Variants in ASTN1 observed in about 807,000 individuals in gnomAD.
The protein encoded by ASTN1 is astrotactin-1.
Under a neutral mutation model 140.7 loss-of-function variants are expected in ASTN1, and 41 were observed. The ratio of observed to expected loss-of-function variants is 0.29; its 90% confidence interval spans 0.23 to 0.38. The LOEUF (loss-of-function observed/expected upper bound fraction) is 0.38, where lower values mean the gene tolerates loss of function less well. ASTN1 is among the 10% of genes least tolerant of loss of function. The pLI, the probability that ASTN1 is intolerant of heterozygous loss-of-function variation, is 1.00. For missense variants in ASTN1, 1,479 were observed against 1,678.8 expected (o/e 0.88, Z 2.08); for synonymous variants, 640 against 652.2 (o/e 0.98, Z 0.29).
intron 1 of ASTN1, among the ~76,000 whole-genome samples, chr1:177,145,349 A>T (rs1206838239): frequency 6.6e-6 from 1 of 152,194 alleles, no homozygotes; most frequent in African/African-American, 2.4e-5. Context: ...ACCTTTAAGT[A>T]ACCATAACAA....
chr1:177,115,890 T>G (rs1320791299), intron 1 of ASTN1, among the ~76,000 whole-genome samples: 2 of 152,296 alleles, frequency 1.3e-5, no homozygotes, highest in South Asian at 4.1e-4. Context: ...TTATAAAAAT[T>G]GTATCATACT....
chr1:176,900,165 A>T (rs1033324400), intron 16 of ASTN1, among the ~76,000 whole-genome samples: 2 of 152,234 alleles, frequency 1.3e-5, no homozygotes, highest in Non-Finnish European at 2.9e-5. Context: ...TTACTAACAC[A>T]TCAAACAGTA....
At chr1:177,048,347 C>T (rs1048932400) in intron 2 of ASTN1, among the ~76,000 whole-genome samples, 1 of 152,158 alleles carries the variant, frequency 6.6e-6, no homozygotes, top group African/African-American at 2.4e-5. Context: ...TGGGAGATGC[C>T]CTGCAGGTCC....
chr1:176,967,766 T>C (rs985859823), intron 8 of ASTN1, among the ~76,000 whole-genome samples: 2 of 152,188 alleles, frequency 1.3e-5, no homozygotes, highest in African/African-American at 4.8e-5. Flanking sequence ...TGTTGCTAAG[T>C]AGTTTAGGTC....
intron 8 of ASTN1, among the ~76,000 whole-genome samples, chr1:177,003,076 C>A (rs565538319): frequency 4.6e-5 from 7 of 152,076 alleles, no homozygotes; most frequent in African/African-American, 1.4e-4. Context: ...AGAATTGGAA[C>A]CAATTCCACT....
chr1:177,076,319 A>G (rs1678910751), intron 1 of ASTN1, among the ~76,000 whole-genome samples: 1 of 150,912 alleles, frequency 6.6e-6, no homozygotes, highest in African/African-American at 2.4e-5. Context: ...AGAAAAAGAA[A>G]AGAAAGAAAG....
chr1:176,889,339 A>T (rs1208386798), intron 17 of ASTN1, among the ~76,000 whole-genome samples: 3 of 152,196 alleles, frequency 2.0e-5, no homozygotes, highest in African/African-American at 7.2e-5. Context: ...GGGTGAGCTC[A>T]ACATCTGCAG....
rs958707493 is a variant in ASTN1 at position 177,046,372 on chromosome 1, T to C, written c.472-13523A>G. Among the ~76,000 whole-genome samples the C allele has an allele frequency of 6.6e-5, 10 of 152,350 alleles. 1 individual carries two copies. Among genetic ancestry groups the C allele is most frequent in the South Asian group, 4.1e-4 (2 of 4,826 alleles). ...CACTTTACCTATTATTAGTATCAAA[T>C]GCACTTGGCACATCTTACAAATGAT... On this transcript the variant is annotated intron_variant, in intron 2 of 22. Transcript: ENST00000361833.
At chr1:176,961,019 T>C (rs1672636122) in intron 9 of ASTN1, among the ~76,000 whole-genome samples, 1 of 152,208 alleles carries the variant, frequency 6.6e-6, no homozygotes, top group Non-Finnish European at 1.5e-5. Context: ...CAGAAGAATG[T>C]GCTCTCTTGG....
intron 16 of ASTN1, among the ~76,000 whole-genome samples, chr1:176,895,326 T>C (rs142307528): frequency 6.6e-6 from 1 of 152,352 alleles, no homozygotes; most frequent in African/African-American, 2.4e-5. Flanking sequence ...AAGCCTGTAC[T>C]ATAAAAGTGA....
chr1:177,000,929 T>C (rs1259421818), intron 8 of ASTN1, among the ~76,000 whole-genome samples: 1 of 152,210 alleles, frequency 6.6e-6, no homozygotes, highest in Non-Finnish European at 1.5e-5. Flanking sequence ...TCCACCTCTA[T>C]GTGTCTAGAA....
intron 2 of ASTN1, among the ~76,000 whole-genome samples, chr1:177,052,292 G>A (rs1677578502): frequency 6.6e-6 from 1 of 152,108 alleles, no homozygotes; most frequent in African/African-American, 2.4e-5. Flanking sequence ...GATTGTTACA[G>A]GCAGCTTGCA....
At chr1:177,121,925 T>G (rs968937849) in intron 1 of ASTN1, among the ~76,000 whole-genome samples, 5 of 152,146 alleles carry the variant, frequency 3.3e-5, no homozygotes, top group African/African-American at 1.2e-4. Flanking sequence ...TCAGGGATGT[T>G]GTCAACAGGA....
chr1:176,943,478 A>G (rs182372941), intron 14 of ASTN1, among the ~76,000 whole-genome samples: 94 of 152,200 alleles, frequency 6.2e-4, no homozygotes, highest in African/African-American at 2.1e-3. Flanking sequence ...GTCATTTTCT[A>G]TTTCCTCGTG....
intron 8 of ASTN1, among the ~76,000 whole-genome samples, chr1:177,003,327 A>G (rs1223238407): frequency 6.6e-6 from 1 of 152,160 alleles, no homozygotes; most frequent in Non-Finnish European, 1.5e-5. Context: ...GGATGCAGAA[A>G]TTGTTCAACA....
At chr1:176,982,403 C>T (rs1171745114) in intron 8 of ASTN1, among the ~76,000 whole-genome samples, 4 of 152,154 alleles carry the variant, frequency 2.6e-5, no homozygotes, top group African/African-American at 9.7e-5. Context: ...AGCAGCCATT[C>T]GCAAACCTCG....
At chr1:177,055,951 G>A (rs1264880565) in intron 2 of ASTN1, among the ~76,000 whole-genome samples, 2 of 152,204 alleles carry the variant, frequency 1.3e-5, no homozygotes, top group Non-Finnish European at 2.9e-5. Flanking sequence ...GAACCTAATA[G>A]TGTTGATGAC....
chr1:176,929,599 T>C (rs536370941), intron 16 of ASTN1, among the ~76,000 whole-genome samples: 10 of 152,324 alleles, frequency 6.6e-5, no homozygotes, highest in African/African-American at 2.4e-4. Flanking sequence ...GGTAATTTGT[T>C]ACAGCAGCCA....
At chr1:176,878,676 A>G (rs1668665516) in intron 20 of ASTN1, among the ~76,000 whole-genome samples, 1 of 152,022 alleles carries the variant, frequency 6.6e-6, no homozygotes. Context: ...GTCCCAGGTC[A>G]GCACCAACTC....
Sources: gnomAD v4.1 joint callset for allele counts (sites outside exome capture counted in the v4.1 genomes callset) on GRCh38, gnomAD v4.1.1 for gene constraint, MANE v1.5 for transcripts, NCBI Gene and HGNC (gene_info 2026-07-23, HGNC 2026-07-21) for gene names.